Variants in CHADL observed in about 807,000 individuals in gnomAD.
CHADL encodes the protein chondroadherin-like protein.
CHADL carries 48 observed loss-of-function variants against 52.1 expected under a neutral mutation model. The observed-to-expected ratio is 0.92, with a 90% CI of 0.73 to 1.17. The LOEUF (loss-of-function observed/expected upper bound fraction) is 1.17, where lower values mean the gene tolerates loss of function less well. Ranked by LOEUF, CHADL falls within the 50% of genes most tolerant of loss-of-function variation. CHADL has a pLI of 0.00. For synonymous variants in CHADL, 498 were observed against 511.2 expected (o/e 0.97, Z 0.35); for missense variants, 977 against 1,035.1 (o/e 0.94, Z 0.77).
rs958017418 is a variant in CHADL, at chr22:41,237,898, C to A, written c.1174G>T (p.Ala392Ser). 3.7e-6 allele frequency: 5 copies of A among 1,346,658 alleles called. No individual in the cohort carries two copies. The highest frequency in any genetic ancestry group is 3.8e-6 in the Non-Finnish European group (4 of 1,055,614). 83.4% of individuals were successfully genotyped at this position (1,346,658 alleles called of 1,614,324 possible). A position where few individuals can be genotyped will look rare whatever the true frequency, so the allele number is the denominator to read the frequency against. The change falls in exon 3 of 6, where the codon GCA becomes TCA. Residue 392 changes from alanine to serine, a missense_variant. Ala to Ser is a moderately conservative substitution (Grantham distance 99). Coordinates refer to ENST00000216241, the MANE Select transcript of CHADL (RefSeq NM_138481.2). ...CAGGCGCGAGGGCAAGGCGCGACTG[C>A]CCGCTCCTCCCCGGGGCCGCGCGGA... is the stretch of plus-strand genomic sequence containing the variant. Reference protein sequence around the residue: ...GPPRGPGEERAVAPCPRACVC... With the variant: ...GPPRGPGEERSVAPCPRACVC...
rs1441108686 is a variant in CHADL at position 41,238,659 on chromosome 22, C to T, written c.413G>A (p.Arg138Gln). 1.3e-6 allele frequency: 2 copies of T among 1,544,458 alleles called. No homozygotes were observed. The highest frequency in any genetic ancestry group is 2.0e-5 in the Admixed American group (1 of 50,912). ...CAGTGCGTTCCCCTCCAGCTCCAGC[C>T]GCCGCAACGAGCCCAGCCCGTCCAG... ...EALDGLGSLRRLELEGNALEE... is the reference protein window; with the variant it reads ...EALDGLGSLRQLELEGNALEE... Residue 138 changes from arginine to glutamine, a missense_variant, in exon 3 of 6, where the codon CGG (arginine) becomes CAG (glutamine). Physicochemically the swap from Arg to Gln is conservative, Grantham distance 43. Coordinates refer to ENST00000216241, the MANE Select transcript of CHADL (RefSeq NM_138481.2). This position sits in a 1 kb window ranked among gnomAD's most constrained non-coding sequence, Gnocchi z 4.9.
intron 5 of CHADL, among the ~76,000 whole-genome samples, 176 bp downstream of exon 5, chr22:41,234,969 G>C (rs766224209): frequency 2.6e-5 from 4 of 152,214 alleles, no homozygotes; most frequent in Non-Finnish European, 2.9e-5. Flanking sequence ...GATTACAGGC[G>C]TGAGCCACCG....
At chr22:41,230,001 C>G (rs1354998216) in intron 5 of CHADL, 4 of 717,106 alleles carry the variant, frequency 5.6e-6, no homozygotes, top group Non-Finnish European at 9.4e-6. Context: ...CACTGCCCTC[C>G]CAGAAGGGAA....
In CHADL at chr22:41,235,458, G is replaced by GGCA. The variant is rs774332206; in HGVS notation, c.2064-118_2064-116dup. The GGCA allele has an allele frequency of 2.4e-4, 180 of 761,766 alleles. 1 individual carries two copies. The highest frequency in any genetic ancestry group is 2.3e-4 in the Non-Finnish European group (108 of 469,596). The allele number at this position is 761,766 out of a possible 1,614,324, so 47.2% of individuals were successfully genotyped here. A position where few individuals can be genotyped will look rare whatever the true frequency, so the allele number is the denominator to read the frequency against. Reference sequence around the variant, plus strand: ...GTGCAGAAGGCAGCACAAGGCCACAGGCAGCATGCATTCATTCGCTCAACA... The same window carrying GGCA: ...GTGCAGAAGGCAGCACAAGGCCACAGGCAGCAGCATGCATTCATTCGCTCAACA... On this transcript the variant is annotated intron_variant, in intron 4 of 5. Transcript: ENST00000216241.
rs923347594 is a variant in CHADL at position 41,239,433 on chromosome 22, C to T, written c.186+10G>A. ...CTGCCACTCTGTGCCTGTGCTCCTGCCCTGCTGACCTCAGGGATGGCGTCT... is the reference window on the plus strand; with the variant it reads ...CTGCCACTCTGTGCCTGTGCTCCTGTCCTGCTGACCTCAGGGATGGCGTCT... On this transcript the variant is annotated intron_variant, in intron 2 of 5. Coordinates refer to ENST00000216241, the MANE Select transcript of CHADL (RefSeq NM_138481.2). 5.8e-6 allele frequency: 9 copies of T among 1,550,144 alleles called. No homozygotes were observed. The highest frequency in any genetic ancestry group is 2.4e-5 in the East Asian group (1 of 40,850).
At chr22:41,240,601 C>T (rs1461953413) in intron 1 of CHADL, among the ~76,000 whole-genome samples, 1 of 152,218 alleles carries the variant, frequency 6.6e-6, no homozygotes, top group Non-Finnish European at 1.5e-5. Flanking sequence ...AGGGAGGGGA[C>T]CCATGGGGAC....
rs2032744131 is a variant in CHADL, at chr22:41,236,570, A to G, written c.1977T>C (p.Pro659=). 1.3e-6 allele frequency: 2 copies of G among 1,551,348 alleles called. No individual in the cohort carries two copies. The highest frequency in any genetic ancestry group is 1.7e-4 in the Middle Eastern group (1 of 5,960). ...HLQKNQLRAL[P]ALPSLSQLEL... The stretch of plus-strand genomic sequence containing the variant: ...CCAGCTGGCTGAGACTGGGCAGGGC[A>G]GGCAGGGCCCGAAGCTGGTTCTTCT... The change falls in exon 4 of 6, where the codon CCT becomes CCC. Residue 659 remains proline, a synonymous_variant. Transcript: ENST00000216241.
rs1194111213 is a variant in CHADL, at chr22:41,239,484, G to A, written c.145C>T (p.Arg49Trp). The change falls in exon 2 of 6, where the codon CGG becomes TGG. Residue 49 changes from arginine to tryptophan, a missense_variant. Transcript: ENST00000216241. ...GGCACCTCAGTGAGGTTCTGGTACC[G>A]GCAGGCAACGTGTCGCCTGGAGTTG... ...CDNSRRHVAC[R>W]YQNLTEVPDA... is the part of the protein sequence containing the mutation. The A allele has an allele frequency of 9.7e-6, 15 of 1,550,754 alleles. No individual in the cohort carries two copies. The highest frequency in any genetic ancestry group is 3.6e-5 in the South Asian group (3 of 83,978).
Position 41,238,016 on chromosome 22 carries a change from G to A in CHADL, c.1056C>T (p.Pro352=). 3.1e-6 allele frequency: 4 copies of A among 1,284,294 alleles called. No homozygotes were observed. The highest frequency in any genetic ancestry group is 3.9e-6 in the Non-Finnish European group (4 of 1,022,174). The allele number at this position is 1,284,294 out of a possible 1,614,324, so 79.6% of individuals were successfully genotyped here. ...LRGEALDALR[P]WDLRCPGDAA... ...CGTCCCCAGGGCAGCGCAGGTCCCA[G>A]GGCCGCAGGGCGTCCAGAGCCTCGC... Residue 352 remains proline, a synonymous_variant, in exon 3 of 6, where the codon CCC becomes CCT. Transcript: ENST00000216241. The surrounding 1 kb of genome is among the most constrained non-coding windows in gnomAD (Gnocchi z 4.9).
At chr22:41,239,912 T>C (rs2032831261) in intron 1 of CHADL, among the ~76,000 whole-genome samples, 1 of 152,230 alleles carries the variant, frequency 6.6e-6, no homozygotes, top group Non-Finnish European at 1.5e-5. Context: ...ACTGTGAGAA[T>C]GACTCCAGTT....
chr22:41,239,503 G>A lies in CHADL; in HGVS notation c.126C>T (p.Ser42=). ...RCPQACICDN[S]RRHVACRYQN... Reference sequence around the variant, plus strand: ...GGTACCGGCAGGCAACGTGTCGCCTGGAGTTGTCACAGATGCAGGCCTGTG... The same window carrying A: ...GGTACCGGCAGGCAACGTGTCGCCTAGAGTTGTCACAGATGCAGGCCTGTG... Residue 42 remains serine (S), a synonymous_variant, in exon 2 of 6, where the codon TCC becomes TCT. Coordinates refer to ENST00000216241, the MANE Select transcript of CHADL (RefSeq NM_138481.2). 1.3e-6 allele frequency: 2 copies of A among 1,550,600 alleles called. No individual in the cohort carries two copies. Among genetic ancestry groups the A allele is most frequent in the South Asian group, 2.4e-5 (2 of 84,014 alleles).
intron 2 of CHADL, 54 bp downstream of exon 2, chr22:41,239,389 G>T (rs1006893550): frequency 3.1e-4 from 471 of 1,503,276 alleles, no homozygotes; most frequent in Non-Finnish European, 4.1e-4. Context: ...TCCTCCCTCT[G>T]GGTCCCCACC....
intron 5 of CHADL, among the ~76,000 whole-genome samples, chr22:41,232,824 C>T (rs555376672): frequency 1.3e-5 from 2 of 152,108 alleles, no homozygotes; most frequent in African/African-American, 2.4e-5. Context: ...ATGAGCCTCC[C>T]GGGGCTGACG....
In CHADL at chr22:41,237,383, C is replaced by T. The variant is rs553351206; in HGVS notation, c.1689G>A (p.Gly563=). ...CCAGCTCCCGAGCTGGGCCCAGCGC[C>T]CCAAGGGACACTTCGGTGATGCGGT... ...SGNRITEVSL[G]ALGPARELEK... The change falls in exon 3 of 6, where the codon GGG becomes GGA. Residue 563 remains glycine (G), a synonymous_variant. Transcript: ENST00000216241. The T allele has an allele frequency of 1.8e-5, 28 of 1,550,678 alleles. No homozygotes were observed. The Admixed American group carries it at 5.1e-4, about 28-fold the overall frequency.
In CHADL at chr22:41,237,050, C is replaced by T. The variant is rs2032755557; in HGVS notation, c.1896+126G>A. ...CGGTAGGGGCAGTCCTGGTTTATCT[C>T]AGGGTCCCCGTGCCCAGGCTGAGAC... On this transcript the variant is annotated intron_variant, in intron 3 of 5. Transcript: ENST00000216241. 4 of 1,025,674 alleles carry T rather than the reference C, an allele frequency of 3.9e-6. No individual in the cohort carries two copies. The South Asian group carries it at 5.0e-5, about 13-fold the overall frequency. The allele number at this position is 1,025,674 out of a possible 1,614,324, so 63.5% of individuals were successfully genotyped here.
Position 41,237,197 on chromosome 22 carries a change from C to G in CHADL, c.1875G>C (p.Leu625=), listed in dbSNP as rs1173408197. 1.3e-6 allele frequency: 2 copies of G among 1,545,266 alleles called. No homozygotes were observed. The highest frequency in any genetic ancestry group is 3.9e-5 in the Admixed American group (2 of 50,860). Residue 625 remains leucine, a synonymous_variant, in exon 3 of 6, where the codon CTG becomes CTC. Transcript: ENST00000216241. Reference sequence around the variant, plus strand: ...CCACCTGCTCCAGGCCACTGCTGTTCAGGAAGAGGTGCTGCAGCGACCTGC... The same window carrying G: ...CCACCTGCTCCAGGCCACTGCTGTTGAGGAAGAGGTGCTGCAGCGACCTGC... ...PVGRSLQHLF[L]NSSGLEQICP... is the part of the protein sequence containing the mutation.
At chr22:41,236,693 C>A in intron 3 of CHADL, 43 bp from the exon 4 acceptor site, 1 of 1,510,346 alleles carries the variant, frequency 6.6e-7, no homozygotes, top group Non-Finnish European at 8.9e-7. Context: ...CCTGGCAGAG[C>A]TGTCCCACCC....
intron 2 of CHADL, among the ~76,000 whole-genome samples, chr22:41,239,101 C>G (rs549302463): frequency 6.6e-6 from 1 of 152,336 alleles, no homozygotes; most frequent in Admixed American, 6.5e-5. Flanking sequence ...CCTCCTCGCT[C>G]TCTCTCCTCC....
Position 41,239,528 on chromosome 22 carries a change from G to A in CHADL, c.101C>T (p.Pro34Leu). Residue 34 changes from proline to leucine, a missense_variant, in exon 2 of 6, where the codon CCA (proline) becomes CTA (leucine). Pro to Leu is a moderately conservative substitution (Grantham distance 98). Coordinates refer to ENST00000216241, the MANE Select transcript of CHADL (RefSeq NM_138481.2). ...GGAGTTGTCACAGATGCAGGCCTGT[G>A]GGCAGCGCTGGGCGGCGGCCTGCCT... ...PARQAAAQRC[P>L]QACICDNSRR... 1 of 1,549,236 alleles carries A rather than the reference G, an allele frequency of 6.5e-7. No homozygotes were observed. Among genetic ancestry groups the A allele is most frequent in the Non-Finnish European group, 8.7e-7 (1 of 1,146,478 alleles).
Sources: gnomAD v4.1 joint callset for allele counts (sites outside exome capture counted in the v4.1 genomes callset) on GRCh38, gnomAD v4.1.1 for gene constraint, Gnocchi (gnomAD v3.1) non-coding constraint, MANE v1.5 for transcripts, NCBI Gene and HGNC (gene_info 2026-07-23, HGNC 2026-07-21) for gene names.